ANTXR1: variants seen among roughly 807,000 people sequenced by gnomAD.
ANTXR1 encodes the protein ANTXR cell adhesion molecule 1.
Under a neutral mutation model 78.1 loss-of-function variants are expected in ANTXR1, and 19 were observed. The observed-to-expected ratio is 0.24, with a 90% confidence interval of 0.17 to 0.36. The LOEUF (loss-of-function observed/expected upper bound fraction) is 0.36, where lower values mean the gene tolerates loss of function less well. Ranked by LOEUF, ANTXR1 falls within the 10% of genes least tolerant of loss-of-function variation. The pLI is 1.00. For synonymous variants in ANTXR1, 273 were observed against 260.5 expected (o/e 1.05, Z -0.46); for missense variants, 518 against 718.6 (o/e 0.72, Z 3.19).
intron 2 of ANTXR1, among the ~76,000 whole-genome samples, chr2:69,044,112 A>G (rs2104088322): frequency 6.6e-6 from 1 of 152,274 alleles, no homozygotes; most frequent in African/African-American, 2.4e-5. Context: ...AATGCTCCTG[A>G]GCACTGCCAT....
chr2:69,016,487 A>C (rs1358138466), intron 1 of ANTXR1, among the ~76,000 whole-genome samples: 1 of 143,892 alleles, frequency 6.9e-6, no homozygotes, highest in East Asian at 2.4e-4. Context: ...TGTGTCTAAC[A>C]GCAGTGGATT....
intron 12 of ANTXR1, among the ~76,000 whole-genome samples, chr2:69,148,814 C>T (rs957454134): frequency 3.3e-5 from 5 of 152,148 alleles, no homozygotes; most frequent in African/African-American, 9.7e-5. Flanking sequence ...TTGAGTAACA[C>T]GTTGACCACT....
intron 1 of ANTXR1, among the ~76,000 whole-genome samples, chr2:69,026,270 T>C (rs1671341702): frequency 6.6e-6 from 1 of 152,216 alleles, no homozygotes; most frequent in African/African-American, 2.4e-5. Flanking sequence ...CTAGACCACC[T>C]GGGTTCAAAT....
intron 17 of ANTXR1, among the ~76,000 whole-genome samples, chr2:69,243,826 A>C (rs1675947451): frequency 6.6e-6 from 1 of 152,218 alleles, no homozygotes; most frequent in African/African-American, 2.4e-5. Context: ...CCCCAGGCCC[A>C]GCATAGAGGG....
chr2:69,161,890 A>C (rs371327347), intron 13 of ANTXR1, among the ~76,000 whole-genome samples: 1 of 152,308 alleles, frequency 6.6e-6, no homozygotes, highest in East Asian at 1.9e-4. Flanking sequence ...GCCGGCTTTA[A>C]GAGATCAACC....
At chr2:69,096,971 T>C (rs1267874514) in intron 9 of ANTXR1, among the ~76,000 whole-genome samples, 2 of 152,266 alleles carry the variant, frequency 1.3e-5, no homozygotes, top group Admixed American at 1.3e-4. Flanking sequence ...TCACCTGCTA[T>C]GTGGAAACCC....
Position 69,076,426 on chromosome 2 carries a change from G to A in ANTXR1, c.561+768G>A, listed in dbSNP as rs1233180254. Among the ~76,000 whole-genome samples the A allele has an allele frequency of 2.0e-5, 3 of 152,294 alleles. No individual in the cohort carries two copies. The East Asian group carries it at 5.8e-4, about 29-fold the overall frequency. On this transcript the variant is annotated intron_variant, in intron 7 of 17. Transcript: ENST00000303714. ...GTGTATAGGTGCATATAATAAGCAA[G>A]TTGTAAAAGCTTACTAGCAATCTAA...
At chr2:69,222,087 C>T (rs1675333720) in intron 17 of ANTXR1, among the ~76,000 whole-genome samples, 1 of 152,204 alleles carries the variant, frequency 6.6e-6, no homozygotes, top group Admixed American at 6.5e-5. Context: ...CTTCCGCTGA[C>T]ATTACATCCA....
At chr2:69,044,846 G>C (rs1015468895) in intron 3 of ANTXR1, 33 bp downstream of exon 3, 1 of 1,604,556 alleles carries the variant, frequency 6.2e-7, no homozygotes, top group East Asian at 2.2e-5. Context: ...TTGTTAAAAA[G>C]TCCATCACTT....
intron 17 of ANTXR1, among the ~76,000 whole-genome samples, chr2:69,221,676 C>T (rs1435779853): frequency 1.4e-5 from 2 of 147,362 alleles, no homozygotes; most frequent in South Asian, 4.2e-4. Flanking sequence ...CTTAGTTTTC[C>T]CCACTACAAA....
intron 13 of ANTXR1, among the ~76,000 whole-genome samples, chr2:69,155,073 G>A (rs146913945): frequency 1.1e-4 from 16 of 152,328 alleles, no homozygotes; most frequent in Non-Finnish European, 2.4e-4. Flanking sequence ...GGGTGAGGGT[G>A]ACAGATGATG....
chr2:69,097,407 A>T (rs534295548), intron 9 of ANTXR1, among the ~76,000 whole-genome samples: 33 of 152,376 alleles, frequency 2.2e-4, no homozygotes, highest in Admixed American at 2.0e-3. Context: ...GAGCTGGCAC[A>T]AAAGGAAGGT....
intron 12 of ANTXR1, among the ~76,000 whole-genome samples, chr2:69,139,700 A>G (rs542430141): frequency 6.6e-6 from 1 of 152,294 alleles, no homozygotes; most frequent in East Asian, 1.9e-4. Context: ...ATCTAAAGCA[A>G]CAGCCCATGG....
chr2:69,062,729 A>G (rs980755035), intron 3 of ANTXR1, among the ~76,000 whole-genome samples: 10 of 152,224 alleles, frequency 6.6e-5, no homozygotes, highest in African/African-American at 2.2e-4. Context: ...CACAATAAAG[A>G]AAAACATAGT....
At chr2:69,113,044 C>T (rs1413349703) in intron 10 of ANTXR1, among the ~76,000 whole-genome samples, 3 of 151,976 alleles carry the variant, frequency 2.0e-5, no homozygotes, top group Non-Finnish European at 4.4e-5. Context: ...GACAGTCATC[C>T]TTGATGTTTC....
In ANTXR1 at chr2:69,018,002, A is replaced by T. The variant is rs938449974; in HGVS notation, c.152+4351A>T. Among the ~76,000 whole-genome samples, 5 of 152,306 alleles carry T rather than the reference A, an allele frequency of 3.3e-5. 1 individual carries two copies. The South Asian group carries it at 8.3e-4, about 25-fold the overall frequency. ...CTTGAATGGAGATAGTGGATTCTGCATCATGAATCTCAAGTGGCTGGCTAT... is the reference window on the plus strand; with the variant it reads ...CTTGAATGGAGATAGTGGATTCTGCTTCATGAATCTCAAGTGGCTGGCTAT... On this transcript the variant is annotated intron_variant, in intron 1 of 17. Coordinates refer to ENST00000303714, the MANE Select transcript of ANTXR1 (RefSeq NM_032208.3).
At chr2:69,035,893 A>G (rs1669392764) in intron 1 of ANTXR1, among the ~76,000 whole-genome samples, 3 of 152,222 alleles carry the variant, frequency 2.0e-5, no homozygotes, top group East Asian at 1.9e-4. Flanking sequence ...ATCTTTCCCT[A>G]TATCTGGCAT....
Position 69,070,688 on chromosome 2 carries a change from T to G in ANTXR1, c.338T>G (p.Leu113Arg). The change falls in exon 4 of 18, where the codon CTG (leucine) becomes CGG (arginine). Residue 113 changes from leucine to arginine, a missense_variant. By Grantham distance (102) the Leu-to-Arg change is moderately radical (BLOSUM62 -2). This residue lies in a region of ANTXR1 where 264 missense variants were observed against 391.8 expected (regional missense o/e 0.67). Transcript: ENST00000303714. ...RQGLEELQKV[L>R]PGGDTYMHEG... ...GGCCTAGAAGAACTCCAGAAAGTTCTGCCAGGAGGAGACACTTACATGCAT... is the reference window on the plus strand; with the variant it reads ...GGCCTAGAAGAACTCCAGAAAGTTCGGCCAGGAGGAGACACTTACATGCAT... The G allele has an allele frequency of 6.2e-7, 1 of 1,614,200 alleles. No individual in the cohort carries two copies.
At chr2:69,182,434 T>C in intron 15 of ANTXR1, 59 bp from the exon 16 acceptor site, 1 of 1,592,652 alleles carries the variant, frequency 6.3e-7, no homozygotes, top group Non-Finnish European at 8.6e-7. Context: ...TTTGTCATTC[T>C]CATTCTCGAG....
Sources: allele counts gnomAD v4.1 joint callset (sites outside exome capture counted in the v4.1 genomes callset), GRCh38; gene constraint gnomAD v4.1.1; regional missense constraint gnomAD v4.1.1; transcripts MANE v1.5; gene names NCBI Gene and HGNC (gene_info 2026-07-23, HGNC 2026-07-21).